The following RBMS3 variants were observed in gnomAD, a reference collection of about 807,000 sequenced individuals.
The protein encoded by RBMS3 is RNA-binding motif, single-stranded-interacting protein 3.
RBMS3 carries 27 observed loss-of-function variants against 66.8 expected under a neutral mutation model. That is an observed-to-expected ratio of 0.40 (90% confidence interval 0.30 to 0.56). RBMS3 has a LOEUF of 0.56. RBMS3 is among the 20% of genes least tolerant of loss of function. RBMS3 has a pLI of 0.40. For missense variants in RBMS3, 513 were observed against 549.5 expected, an observed-to-expected ratio of 0.93 and a Z score of 0.66; for synonymous variants, 188 against 183.0, an observed-to-expected ratio of 1.03 and a Z score of -0.22.
At chr3:29,401,159 C>G (rs184568909) in intron 1 of RBMS3, among the ~76,000 whole-genome samples, 84 of 152,016 alleles carry the variant, frequency 5.5e-4, no homozygotes, top group Non-Finnish European at 1.1e-3. Context: ...CAATCCAGTT[C>G]GCTAGGAGTT....
At chr3:29,739,458 G>GAAAA (rs56861996) in intron 4 of RBMS3, among the ~76,000 whole-genome samples, 10 of 129,584 alleles carry the variant, frequency 7.7e-5, no homozygotes, top group South Asian at 5.0e-4. Flanking sequence ...TCCGTCTCAA[G>GAAAA]AAAAAAAAAA....
chr3:29,994,924 A>G (rs1699117999), intron 14 of RBMS3, among the ~76,000 whole-genome samples: 1 of 152,236 alleles, frequency 6.6e-6, no homozygotes, highest in Non-Finnish European at 1.5e-5. Flanking sequence ...CTGGATGGAG[A>G]ATGACTTTGA....
intron 1 of RBMS3, among the ~76,000 whole-genome samples, chr3:29,392,734 AAC>A (rs1395617043): frequency 1.3e-5 from 2 of 152,046 alleles, no homozygotes; most frequent in Non-Finnish European, 2.9e-5. Flanking sequence ...CAGACACACA[AAC>A]ACACATAAAA....
At chr3:29,922,555 A>C (rs2060819661) in intron 10 of RBMS3, among the ~76,000 whole-genome samples, 1 of 152,040 alleles carries the variant, frequency 6.6e-6, no homozygotes, top group Admixed American at 6.6e-5. Context: ...TGGATGAATT[A>C]ATGAATATTC....
intron 8 of RBMS3, among the ~76,000 whole-genome samples, chr3:29,892,557 G>A (rs1320794275): frequency 6.6e-6 from 1 of 151,442 alleles, no homozygotes; most frequent in African/African-American, 2.4e-5. Flanking sequence ...GAACCACTGG[G>A]TTCAGTGTAA....
chr3:29,685,360 C>A (rs1159677401), intron 4 of RBMS3, among the ~76,000 whole-genome samples: 1 of 152,188 alleles, frequency 6.6e-6, no homozygotes, highest in Non-Finnish European at 1.5e-5. Flanking sequence ...AGCGCCCAGC[C>A]CGGTAAACAT....
At chr3:29,762,313 A>T (rs532175917) in intron 5 of RBMS3, among the ~76,000 whole-genome samples, 2 of 120,528 alleles carry the variant, frequency 1.7e-5, no homozygotes, top group South Asian at 5.2e-4. Context: ...GATTTTCAAT[A>T]AAAATGTCAT....
chr3:29,409,859 A>G (rs1043027204), intron 1 of RBMS3, among the ~76,000 whole-genome samples: 2 of 152,206 alleles, frequency 1.3e-5, no homozygotes, highest in Non-Finnish European at 2.9e-5. Context: ...ATGTAATGCT[A>G]CTTAAATTAA....
intron 2 of RBMS3, among the ~76,000 whole-genome samples, chr3:29,439,796 T>C (rs55903051): frequency 0.041 from 6,287 of 152,058 alleles, 457 homozygotes; most frequent in African/African-American, 0.14. Context: ...ATCAATATAC[T>C]GTTAAACAAT....
intron 4 of RBMS3, among the ~76,000 whole-genome samples, chr3:29,703,541 A>G (rs74832678): frequency 1.4e-3 from 220 of 152,322 alleles, no homozygotes; most frequent in African/African-American, 5.1e-3. Context: ...CATATCTGCA[A>G]TGCCCAGAGT....
At chr3:29,429,540 T>C (rs2041099118) in intron 1 of RBMS3, among the ~76,000 whole-genome samples, 1 of 152,174 alleles carries the variant, frequency 6.6e-6, no homozygotes, top group Admixed American at 6.5e-5. Context: ...TCTCTCTTCT[T>C]CAATCAGAGT....
In RBMS3 at chr3:29,308,499, T is replaced by C. The variant is rs185541146; in HGVS notation, c.75+26743T>C. Reference sequence around the variant, plus strand: ...GTTTTAAGAAGAGAAAATAAATGCTTACTATGTGATGCAGAATATGGTTAG... The same window carrying C: ...GTTTTAAGAAGAGAAAATAAATGCTCACTATGTGATGCAGAATATGGTTAG... On this transcript the variant is annotated intron_variant, in intron 1 of 14. Transcript: ENST00000383767. Among the ~76,000 whole-genome samples the C allele has an allele frequency of 5.2e-3, 789 of 151,856 alleles. 8 individuals carry two copies. Among genetic ancestry groups the C allele is most frequent in the African/African-American group, 0.018 (755 of 41,484 alleles).
At chr3:29,880,960 A>G in intron 7 of RBMS3, 1 of 858,638 alleles carries the variant, frequency 1.2e-6, no homozygotes, top group Non-Finnish European at 1.8e-6. Context: ...GCTCATGCTA[A>G]CTCCTGTTCC....
At chr3:29,964,005 T>G (rs1048725137) in intron 12 of RBMS3, among the ~76,000 whole-genome samples, 1 of 152,172 alleles carries the variant, frequency 6.6e-6, no homozygotes, top group Non-Finnish European at 1.5e-5. Context: ...TCATTGTATG[T>G]AGAACACCTG....
chr3:29,364,790 T>C (rs2037802788), intron 1 of RBMS3, among the ~76,000 whole-genome samples: 1 of 152,202 alleles, frequency 6.6e-6, no homozygotes, highest in South Asian at 2.1e-4. Flanking sequence ...CTTTTTAAGC[T>C]TCAGGTGCAT....
At chr3:29,928,209 T>TGTACAC (rs2060998319) in intron 10 of RBMS3, among the ~76,000 whole-genome samples, 1 of 102,934 alleles carries the variant, frequency 9.7e-6, no homozygotes, top group Non-Finnish European at 2.0e-5. Context: ...TATATATATA[T>TGTACAC]ATACACACAC....
At chr3:29,655,375 G>C (rs904268137) in intron 4 of RBMS3, among the ~76,000 whole-genome samples, 6 of 152,180 alleles carry the variant, frequency 3.9e-5, no homozygotes, top group Non-Finnish European at 8.8e-5. Flanking sequence ...GTAGCAATGA[G>C]AATTCTGAGA....
chr3:29,553,071 G>T (rs1002030272), intron 3 of RBMS3, among the ~76,000 whole-genome samples: 1 of 152,092 alleles, frequency 6.6e-6, no homozygotes, highest in South Asian at 2.1e-4. Context: ...CATTAAGTAC[G>T]TTCATATCTG....
chr3:29,942,836 G>T (rs1169074466), intron 11 of RBMS3, among the ~76,000 whole-genome samples: 2 of 149,430 alleles, frequency 1.3e-5, no homozygotes, highest in Non-Finnish European at 3.0e-5. Context: ...GTTTGGAGTG[G>T]AAATGTGTGA....
Sources: allele counts gnomAD v4.1 joint callset (sites outside exome capture counted in the v4.1 genomes callset), GRCh38; gene constraint gnomAD v4.1.1; transcripts MANE v1.5; gene names NCBI Gene and HGNC (gene_info 2026-07-23, HGNC 2026-07-21).